The following PHLPP1 variants were observed in gnomAD, a reference collection of about 807,000 sequenced individuals.
PHLPP1 encodes PH domain and leucine rich repeat protein phosphatase 1.
In PHLPP1, 42 loss-of-function variants were observed where a neutral mutation model predicts 117.2. The observed-to-expected ratio is 0.36, with a 90% CI of 0.28 to 0.46. The LOEUF (loss-of-function observed/expected upper bound fraction) is 0.46, where lower values mean the gene tolerates loss of function less well. Among genes scored for constraint, PHLPP1 ranks in the 20% least tolerant of loss-of-function variants. The pLI is 1.00. For synonymous variants in PHLPP1, 1,042 were observed against 970.7 expected (o/e 1.07, Z -1.37); for missense variants, 2,084 against 2,241.9 (o/e 0.93, Z 1.42).
chr18:62,947,455 A>G (rs1486497434), intron 12 of PHLPP1, among the ~76,000 whole-genome samples: 1 of 152,220 alleles, frequency 6.6e-6, no homozygotes, highest in African/African-American at 2.4e-5. Context: ...GCCGTTCAGC[A>G]CAGGAAAGAT....
At chr18:62,842,886 T>C (rs1248314577) in intron 3 of PHLPP1, 4 of 152,226 alleles carry the variant, frequency 2.6e-5, no homozygotes, top group South Asian at 2.1e-4. Flanking sequence ...CTTTAAGCAT[T>C]ATGTGTCGAG....
At chr18:62,806,774 CAGAT>C (rs1227784510) in intron 1 of PHLPP1, among the ~76,000 whole-genome samples, 3 of 152,092 alleles carry the variant, frequency 2.0e-5, no homozygotes, top group East Asian at 1.9e-4. Flanking sequence ...AACTTTGTCT[CAGAT>C]AGTATGAGAT....
rs550950700 is a variant in PHLPP1, at chr18:62,725,576, T to C, written c.1576+8317T>C. ...TTTGTTGTGTGCTGATTTGGAAGTC[T>C]TTATCAGAAATATGCCATTGCTTTG... On this transcript the variant is annotated intron_variant, in intron 1 of 16. Transcript: ENST00000262719. 3.8e-4 allele frequency among the ~76,000 whole-genome samples: 58 copies of C among 152,268 alleles called. 1 individual carries two copies. Among genetic ancestry groups the C allele is most frequent in the Admixed American group, 2.8e-3 (43 of 15,298 alleles).
intron 13 of PHLPP1, among the ~76,000 whole-genome samples, chr18:62,959,070 C>T (rs903436952): frequency 2.0e-5 from 3 of 152,076 alleles, no homozygotes; most frequent in Non-Finnish European, 2.9e-5. Flanking sequence ...ACCAAGAATG[C>T]GGAGTAGTTA....
In PHLPP1 at chr18:62,975,388, G is replaced by A. The variant is rs1286145966; in HGVS notation, c.3756-9G>A. 1 of 1,602,226 alleles carries A rather than the reference G, an allele frequency of 6.2e-7. No individual in the cohort carries two copies. Among genetic ancestry groups the A allele is most frequent in the African/African-American group, 1.3e-5 (1 of 74,654 alleles). Reference sequence around the variant, plus strand: ...TGTTTGAGTGTCACCCCCTCTCTTCGGATTCCAGGAAACTTGGAACTGCTG... The same window carrying A: ...TGTTTGAGTGTCACCCCCTCTCTTCAGATTCCAGGAAACTTGGAACTGCTG... On this transcript the variant is annotated splice_polypyrimidine_tract_variant and intron_variant, in intron 15 of 16. Transcript: ENST00000262719.
chr18:62,738,704 A>G (rs892752932), intron 1 of PHLPP1, among the ~76,000 whole-genome samples: 4 of 152,166 alleles, frequency 2.6e-5, no homozygotes, highest in Non-Finnish European at 5.9e-5. Context: ...TAACAACAAT[A>G]AATACTAATA....
intron 1 of PHLPP1, among the ~76,000 whole-genome samples, chr18:62,829,435 A>G (rs556463176): frequency 6.6e-6 from 1 of 152,344 alleles, no homozygotes; most frequent in African/African-American, 2.4e-5. Flanking sequence ...ATGTAAAATT[A>G]ACTTGTGAAA....
intron 1 of PHLPP1, among the ~76,000 whole-genome samples, chr18:62,763,950 G>A (rs1912356789): frequency 6.6e-6 from 1 of 151,938 alleles, no homozygotes; most frequent in South Asian, 2.1e-4. Flanking sequence ...ATCACCTGAG[G>A]TCAGCAGTTC....
At position 62,938,448 on chromosome 18, in the gene PHLPP1, C is replaced by A. The variant is rs543107474; in HGVS notation, c.2961-3270C>A. 8.5e-5 allele frequency among the ~76,000 whole-genome samples: 13 copies of A among 152,264 alleles called. No individual in the cohort carries two copies. The East Asian group carries it at 2.5e-3, about 29-fold the overall frequency. Reference sequence around the variant, plus strand: ...CTATTAAACCAATTTAAATTGTCTCCTGCTGAAACATTGTGAGGTTTTAGG... The same window carrying A: ...CTATTAAACCAATTTAAATTGTCTCATGCTGAAACATTGTGAGGTTTTAGG... On this transcript the variant is annotated intron_variant, in intron 10 of 16. Transcript: ENST00000262719.
chr18:62,748,892 T>C (rs1911759199), intron 1 of PHLPP1, among the ~76,000 whole-genome samples: 1 of 152,212 alleles, frequency 6.6e-6, no homozygotes, highest in South Asian at 2.1e-4. Context: ...CTTGGTAGTG[T>C]GTTCTTTAGT....
intron 1 of PHLPP1, among the ~76,000 whole-genome samples, chr18:62,795,505 A>C (rs1025601020): frequency 4.6e-5 from 7 of 151,596 alleles, no homozygotes; most frequent in Admixed American, 6.6e-5. Flanking sequence ...AAAAAAAAAA[A>C]AAAAAAAACA....
intron 14 of PHLPP1, among the ~76,000 whole-genome samples, chr18:62,970,943 T>G (rs554605532): frequency 6.6e-6 from 1 of 152,350 alleles, no homozygotes; most frequent in African/African-American, 2.4e-5. Flanking sequence ...ATGCTTTTAT[T>G]TGTGCATCTG....
intron 3 of PHLPP1, among the ~76,000 whole-genome samples, chr18:62,858,819 G>C (rs1915562104): frequency 6.6e-6 from 1 of 152,064 alleles, no homozygotes; most frequent in Non-Finnish European, 1.5e-5. Context: ...TGAATGATTT[G>C]ATTTGGAAAT....
rs754149606 is a variant in PHLPP1 at position 62,717,298 on chromosome 18, C to T, written c.1576+39C>T. 2.6e-6 allele frequency: 4 copies of T among 1,533,576 alleles called. No individual in the cohort carries two copies. In the South Asian group the frequency reaches 3.8e-5, roughly 15 times the overall value. 95.0% of individuals were successfully genotyped at this position (1,533,576 alleles called of 1,614,324 possible). On this transcript the variant is annotated intron_variant, in intron 1 of 16. Coordinates refer to ENST00000262719, the MANE Select transcript of PHLPP1 (RefSeq NM_194449.4). ...CTGCCTTGACGGGTGGTTGCAAAAGCTGCCGAGGACCGAGGAGTGATTCAA... is the reference window on the plus strand; with the variant it reads ...CTGCCTTGACGGGTGGTTGCAAAAGTTGCCGAGGACCGAGGAGTGATTCAA...
chr18:62,810,016 G>A (rs758829088), intron 1 of PHLPP1, among the ~76,000 whole-genome samples: 12 of 152,224 alleles, frequency 7.9e-5, no homozygotes, highest in Non-Finnish European at 1.6e-4. Flanking sequence ...CCATCTTCGT[G>A]GTTTTTAAGT....
intron 14 of PHLPP1, 34 bp downstream of exon 14, chr18:62,963,506 C>T (rs186207690): frequency 1.5e-6 from 2 of 1,326,224 alleles, no homozygotes; most frequent in East Asian, 2.4e-5. Context: ...GAAGAAGTGC[C>T]TCCTGCCTGT....
intron 1 of PHLPP1, among the ~76,000 whole-genome samples, chr18:62,738,938 T>C (rs566038484): frequency 1.8e-3 from 276 of 152,324 alleles, no homozygotes; most frequent in African/African-American, 6.5e-3. Context: ...TCTGGATGAC[T>C]TGGAGGTTTC....
chr18:62,856,244 C>T lies in PHLPP1; in HGVS notation c.1900-4191C>T, dbSNP rs11659360. On this transcript the variant is annotated intron_variant, in intron 3 of 16. Transcript: ENST00000262719. ...ACCATATGTTGGTGATCACCTCACACTTCTCAGAACCTTTCCACACATCCC... is the reference window on the plus strand; with the variant it reads ...ACCATATGTTGGTGATCACCTCACATTTCTCAGAACCTTTCCACACATCCC... 8.5e-3 allele frequency among the ~76,000 whole-genome samples: 1,293 copies of T among 152,206 alleles called. 10 individuals are homozygous for T. Among genetic ancestry groups the T allele is most frequent in the Non-Finnish European group, 0.013 (907 of 67,996 alleles).
At chr18:62,870,143 G>T in intron 4 of PHLPP1, among the ~76,000 whole-genome samples, 1 of 152,100 alleles carries the variant, frequency 6.6e-6, no homozygotes, top group East Asian at 1.9e-4. Context: ...TGATCTGCCA[G>T]CCTCGGTCTC....
Sources: allele counts gnomAD v4.1 joint callset (sites outside exome capture counted in the v4.1 genomes callset), GRCh38; gene constraint gnomAD v4.1.1; transcripts MANE v1.5; gene names NCBI Gene and HGNC (gene_info 2026-07-23, HGNC 2026-07-21).